The following RAB3GAP2 variants were observed in gnomAD, a reference collection of about 807,000 sequenced individuals.
RAB3GAP2 encodes RAB3 GTPase activating non-catalytic protein subunit 2.
RAB3GAP2 carries 87 observed loss-of-function variants against 185.3 expected under a neutral mutation model. The observed-to-expected ratio is 0.47, with a 90% CI of 0.39 to 0.56. RAB3GAP2 has a LOEUF of 0.56. Ranked by LOEUF, RAB3GAP2 falls within the 20% of genes least tolerant of loss-of-function variation. The pLI, the probability that RAB3GAP2 is intolerant of heterozygous loss-of-function variation, is 0.00. For missense variants in RAB3GAP2, 1,492 were observed against 1,638.2 expected (o/e 0.91, Z 1.54); for synonymous variants, 554 against 576.1 (o/e 0.96, Z 0.55).
chr1:220,168,561 C>T (rs1658115118), intron 24 of RAB3GAP2, among the ~76,000 whole-genome samples: 2 of 152,028 alleles, frequency 1.3e-5, no homozygotes, highest in Non-Finnish European at 2.9e-5. Flanking sequence ...CCATGCCCGG[C>T]TAAATTTTTG....
chr1:220,153,347 T>A lies in RAB3GAP2; in HGVS notation c.3705A>T (p.Lys1235Asn), dbSNP rs375781973. 2.0e-5 allele frequency: 32 copies of A among 1,614,088 alleles called. No individual in the cohort carries two copies. Among genetic ancestry groups the A allele is most frequent in the Non-Finnish European group, 2.5e-5 (30 of 1,180,032 alleles). The change falls in exon 33 of 35, where the codon AAA (lysine) becomes AAT (asparagine). Residue 1235 changes from lysine (K) to asparagine (N), a missense_variant. Coordinates refer to ENST00000358951, the MANE Select transcript of RAB3GAP2 (RefSeq NM_012414.4). Reference sequence around the variant, plus strand: ...TGGGTGTGGCCTCTTCTGTGGGATCTTTGACCTTTGTGGCTGAATGTTGGG... The same window carrying A: ...TGGGTGTGGCCTCTTCTGTGGGATCATTGACCTTTGTGGCTGAATGTTGGG... ...VQAQHSATKVKDPTEEATPTP... is the reference protein window; with the variant it reads ...VQAQHSATKVNDPTEEATPTP...
chr1:220,155,420 T>C (rs753578918), intron 31 of RAB3GAP2, among the ~76,000 whole-genome samples: 1 of 152,210 alleles, frequency 6.6e-6, no homozygotes, highest in Non-Finnish European at 1.5e-5. Context: ...GGGCAACCCA[T>C]GACATTTTGG....
chr1:220,201,355 T>C (rs1483667389), intron 9 of RAB3GAP2, among the ~76,000 whole-genome samples: 1 of 152,194 alleles, frequency 6.6e-6, no homozygotes, highest in African/African-American at 2.4e-5. Context: ...CAAGGTTACA[T>C]TTTTAAGACT....
rs201668103 is a variant in RAB3GAP2 at position 220,171,943 on chromosome 1, C to A, written c.2523G>T (p.Ala841=). The A allele has an allele frequency of 5.0e-6, 8 of 1,614,076 alleles. No homozygotes were observed. Among genetic ancestry groups the A allele is most frequent in the African/African-American group, 4.0e-5 (3 of 74,928 alleles). The change falls in exon 23 of 35, where the codon GCG becomes GCT. Residue 841 remains alanine (A), a synonymous_variant. Coordinates refer to ENST00000358951, the MANE Select transcript of RAB3GAP2 (RefSeq NM_012414.4). ...SENNGAALLS[A]HVGHSVAAQI... ...GTGCAGCAACAGAATGCCCAACATG[C>A]GCAGACAACAGAGCGGCTCCATTGT...
intron 2 of RAB3GAP2, among the ~76,000 whole-genome samples, chr1:220,225,051 T>C (rs547281173): frequency 1.3e-5 from 2 of 152,158 alleles, no homozygotes; most frequent in South Asian, 2.1e-4. Flanking sequence ...GAAGCTACTC[T>C]GCAGGAATGC....
chr1:220,170,533 CCAAT>C (rs1378275117), intron 24 of RAB3GAP2, among the ~76,000 whole-genome samples: 1 of 151,790 alleles, frequency 6.6e-6, no homozygotes, highest in African/African-American at 2.4e-5. Context: ...TCTGGATTCT[CCAAT>C]CAGTTTTGCC....
At chr1:220,216,463 T>C (rs1367132028) in intron 2 of RAB3GAP2, among the ~76,000 whole-genome samples, 2 of 152,222 alleles carry the variant, frequency 1.3e-5, no homozygotes, top group East Asian at 3.8e-4. Flanking sequence ...TCACTCCTCA[T>C]GATGGCTTGC....
chr1:220,237,953 T>C (rs1659624702), intron 1 of RAB3GAP2, among the ~76,000 whole-genome samples: 1 of 152,140 alleles, frequency 6.6e-6, no homozygotes, highest in East Asian at 1.9e-4. Context: ...ACCAGAATAT[T>C]GTTTCAATGC....
chr1:220,238,229 G>C (rs1659630733), intron 1 of RAB3GAP2, among the ~76,000 whole-genome samples: 1 of 152,070 alleles, frequency 6.6e-6, no homozygotes, highest in Admixed American at 6.5e-5. Context: ...TTTTTTTGTA[G>C]AGATGAAGCC....
In RAB3GAP2 at chr1:220,182,727, C is replaced by T; in HGVS notation, c.2203G>A (p.Val735Met). 1.9e-6 allele frequency: 3 copies of T among 1,597,198 alleles called. No individual in the cohort carries two copies. The highest frequency in any genetic ancestry group is 1.7e-6 in the Non-Finnish European group (2 of 1,173,606). The change falls in exon 20 of 35, where the codon GTG (valine) becomes ATG (methionine). Residue 735 changes from valine (V) to methionine (M), a missense_variant. Around this residue, in one of 5 missense-constraint regions of RAB3GAP2, gnomAD observed 681 missense variants for 689.1 expected, o/e 0.99. Transcript: ENST00000358951. ...GTATTATTTTACCTACCTAAAGCCA[C>T]ATATTCCTCTTCACTTATTTTCTTT... ...NIKKISEEEY[V>M]ALGSFFFWKC...
intron 12 of RAB3GAP2, among the ~76,000 whole-genome samples, chr1:220,193,895 A>G (rs1658672487): frequency 6.6e-6 from 1 of 152,206 alleles, no homozygotes; most frequent in Admixed American, 6.5e-5. Context: ...AAAAGTAAAG[A>G]AGTACTAAAA....
In RAB3GAP2 at chr1:220,171,914, A is replaced by G. The variant is rs1658185290; in HGVS notation, c.2552T>C (p.Ile851Thr). ...AHVGHSVAAQ[I>T]SNNMTEKKFS... ...TTTTTTCTCTGTCATGTTGTTTGAT[A>G]TCTGTGCAGCAACAGAATGCCCAAC... The change falls in exon 23 of 35, where the codon ATA becomes ACA. Residue 851 changes from isoleucine to threonine, a missense_variant. Coordinates refer to ENST00000358951, the MANE Select transcript of RAB3GAP2 (RefSeq NM_012414.4). 1 of 1,614,042 alleles carries G rather than the reference A, an allele frequency of 6.2e-7. No individual in the cohort carries two copies. Among genetic ancestry groups the G allele is most frequent in the African/African-American group, 1.3e-5 (1 of 74,916 alleles).
chr1:220,190,296 T>C, intron 15 of RAB3GAP2, 81 bp downstream of exon 15: 2 of 1,588,204 alleles, frequency 1.3e-6, no homozygotes, highest in Admixed American at 1.7e-5. Context: ...AAATAGCAAC[T>C]ACAAAAGAGA....
chr1:220,230,897 A>G (rs1485184555), intron 2 of RAB3GAP2, among the ~76,000 whole-genome samples: 1 of 152,166 alleles, frequency 6.6e-6, no homozygotes, highest in East Asian at 1.9e-4. Context: ...AGCTCACTGG[A>G]AAGTCTTATC....
intron 21 of RAB3GAP2, among the ~76,000 whole-genome samples, chr1:220,174,524 G>C (rs932456639): frequency 4.6e-5 from 7 of 152,132 alleles, no homozygotes; most frequent in African/African-American, 1.7e-4. Flanking sequence ...TTTACCCATT[G>C]AGTTGCAAAC....
At chr1:220,171,493 ATC>A (rs1477489470) in intron 23 of RAB3GAP2, among the ~76,000 whole-genome samples, 1 of 152,170 alleles carries the variant, frequency 6.6e-6, no homozygotes, top group Non-Finnish European at 1.5e-5. Context: ...CTGAAATTTC[ATC>A]TCTCTCCATC....
chr1:220,153,901 A>G (rs1242039909), intron 32 of RAB3GAP2, 67 bp downstream of exon 32: 2 of 1,600,986 alleles, frequency 1.2e-6, no homozygotes, highest in African/African-American at 2.7e-5. Context: ...TTCAAAAGCC[A>G]GCTAGATTTT....
chr1:220,221,048 G>A (rs571374126), intron 2 of RAB3GAP2, among the ~76,000 whole-genome samples: 1 of 152,268 alleles, frequency 6.6e-6, no homozygotes, highest in East Asian at 1.9e-4. Flanking sequence ...ATAGCTGGCA[G>A]TTTTCAGTTA....
intron 21 of RAB3GAP2, among the ~76,000 whole-genome samples, chr1:220,175,408 C>CA (rs1223236096): frequency 2.6e-5 from 4 of 151,946 alleles, no homozygotes; most frequent in Non-Finnish European, 5.9e-5. Context: ...TAGGTAGAGA[C>CA]GGGTTTCACT....
Sources: allele counts gnomAD v4.1 joint callset (sites outside exome capture counted in the v4.1 genomes callset), GRCh38; gene constraint gnomAD v4.1.1; regional missense constraint gnomAD v4.1.1; transcripts MANE v1.5; gene names NCBI Gene and HGNC (gene_info 2026-07-23, HGNC 2026-07-21).